LRFN5: variants seen among roughly 807,000 people sequenced by gnomAD.
The protein encoded by LRFN5 is leucine rich repeat and fibronectin type III domain containing 5.
LRFN5 carries 24 observed loss-of-function variants against 45.6 expected under a neutral mutation model. The ratio of observed to expected loss-of-function variants is 0.53; its 90% CI spans 0.38 to 0.74. The LOEUF (loss-of-function observed/expected upper bound fraction) is 0.74, where lower values mean the gene tolerates loss of function less well. Among genes scored for constraint, LRFN5 ranks in the 30% least tolerant of loss-of-function variants. LRFN5 has a pLI of 0.00. For missense variants in LRFN5, 776 were observed against 861.5 expected (o/e 0.90, Z 1.24); for synonymous variants, 340 against 313.8 (o/e 1.08, Z -0.88).
At chr14:41,748,356 T>C (rs1490015635) in intron 1 of LRFN5, among the ~76,000 whole-genome samples, 1 of 152,062 alleles carries the variant, frequency 6.6e-6, no homozygotes, top group Non-Finnish European at 1.5e-5. Context: ...AAACAACTTA[T>C]ATATGATAGA....
chr14:41,711,515 T>G (rs1168309266), intron 1 of LRFN5, among the ~76,000 whole-genome samples: 2 of 152,202 alleles, frequency 1.3e-5, no homozygotes, highest in Non-Finnish European at 2.9e-5. Flanking sequence ...TGTATATATC[T>G]CCTGAGAATT....
At chr14:41,794,166 T>C (rs1029631054) in intron 2 of LRFN5, among the ~76,000 whole-genome samples, 1 of 152,086 alleles carries the variant, frequency 6.6e-6, no homozygotes, top group Non-Finnish European at 1.5e-5. Context: ...TTTTACTGTT[T>C]ACATTCTAGG....
At chr14:41,677,300 T>C (rs1319412466) in intron 1 of LRFN5, among the ~76,000 whole-genome samples, 2 of 152,036 alleles carry the variant, frequency 1.3e-5, no homozygotes, top group Non-Finnish European at 2.9e-5. Flanking sequence ...CTACAATCTA[T>C]TAGCAAAATA....
At chr14:41,873,530 G>A (rs549079471) in intron 2 of LRFN5, among the ~76,000 whole-genome samples, 7 of 151,862 alleles carry the variant, frequency 4.6e-5, no homozygotes, top group East Asian at 1.9e-4. Context: ...GAGTACTGCC[G>A]GAACTTTCCA....
intron 3 of LRFN5, 24 bp from the exon 4 acceptor site, chr14:41,891,226 A>G: frequency 6.3e-7 from 1 of 1,586,742 alleles, no homozygotes; most frequent in Non-Finnish European, 8.6e-7. Context: ...TATTAATATT[A>G]ACACAAATTC....
chr14:41,851,993 AG>A (rs1341960925), intron 2 of LRFN5, among the ~76,000 whole-genome samples: 1 of 150,990 alleles, frequency 6.6e-6, no homozygotes, highest in Non-Finnish European at 1.5e-5. Context: ...AGAAAAAAAA[AG>A]AGAATCTTTG....
chr14:41,810,191 T>C (rs955092968), intron 2 of LRFN5, among the ~76,000 whole-genome samples: 5 of 152,220 alleles, frequency 3.3e-5, no homozygotes, highest in Non-Finnish European at 7.4e-5. Context: ...GTGACTTTTA[T>C]TACTCTAGAG....
At chr14:41,863,742 G>T (rs946756374) in intron 2 of LRFN5, among the ~76,000 whole-genome samples, 1 of 152,128 alleles carries the variant, frequency 6.6e-6, no homozygotes, top group African/African-American at 2.4e-5. Flanking sequence ...GTGCAGGTTT[G>T]TTACATAGGT....
chr14:41,709,941 A>T (rs1883216792), intron 1 of LRFN5, among the ~76,000 whole-genome samples: 2 of 152,202 alleles, frequency 1.3e-5, no homozygotes, highest in Middle Eastern at 3.4e-3. Context: ...ACCACCATCA[A>T]ATAAAAAGCA....
chr14:41,885,536 C>T (rs182550301), intron 2 of LRFN5, among the ~76,000 whole-genome samples: 2 of 152,010 alleles, frequency 1.3e-5, no homozygotes, highest in African/African-American at 4.8e-5. Context: ...AGAAGGAAAA[C>T]AGAATATAAT....
chr14:41,628,006 C>G (rs1453270424), intron 1 of LRFN5, among the ~76,000 whole-genome samples: 2 of 151,834 alleles, frequency 1.3e-5, no homozygotes, highest in Non-Finnish European at 2.9e-5. Context: ...AGTTTTTATT[C>G]TAGGCTTTAG....
Position 41,887,846 on chromosome 14 carries a change from A to C in LRFN5, c.1221A>C (p.Thr407=), listed in dbSNP as rs372315722. ...CTTCTACCAAGTCAGGTTCTAATAC[A>C]AGCAGTAGTAATGGTGATACTAAAT... ...ISTSTKSGSN[T]SSSNGDTKLS... Residue 407 remains threonine (T), a synonymous_variant, in exon 3 of 6, where the codon ACA becomes ACC. Transcript: ENST00000298119. This position sits in a 1 kb window ranked among gnomAD's most constrained non-coding sequence, Gnocchi z 4.8. 1.2e-6 allele frequency: 2 copies of C among 1,614,088 alleles called. No homozygotes were observed. Among genetic ancestry groups the C allele is most frequent in the Non-Finnish European group, 8.5e-7 (1 of 1,180,016 alleles).
At chr14:41,761,503 G>A (rs1885667115) in intron 1 of LRFN5, among the ~76,000 whole-genome samples, 1 of 152,082 alleles carries the variant, frequency 6.6e-6, no homozygotes, top group South Asian at 2.1e-4. Flanking sequence ...TCTGTCTGCT[G>A]ACTTTTGCCA....
intron 1 of LRFN5, among the ~76,000 whole-genome samples, chr14:41,618,872 A>G (rs1450086589): frequency 6.6e-6 from 1 of 152,152 alleles, no homozygotes; most frequent in Non-Finnish European, 1.5e-5. Flanking sequence ...TTGAGGCAGA[A>G]TATGTTTTTT....
At chr14:41,791,421 T>G (rs1487134119) in intron 2 of LRFN5, among the ~76,000 whole-genome samples, 2 of 151,988 alleles carry the variant, frequency 1.3e-5, no homozygotes, top group Admixed American at 6.6e-5. Flanking sequence ...TTCTAAGGAG[T>G]GACCAATTAT....
Position 41,891,331 on chromosome 14 carries a change from A to G in LRFN5, c.1467A>G (p.Ile489Met). ...TGTATGACTTGTGTGTCTTGGCCAT[A>G]TATGATGATGGCATCACTTCCCTCA... ...GTMYDLCVLA[I>M]YDDGITSLTA... is the part of the protein sequence containing the mutation. Residue 489 changes from isoleucine (I) to methionine (M), a missense_variant, in exon 4 of 6, where the codon ATA becomes ATG. Physicochemically the swap from Ile to Met is conservative, Grantham distance 10. Around this residue, in one of 2 missense-constraint regions of LRFN5, gnomAD observed 465 missense variants for 456.4 expected, o/e 1.02. Coordinates refer to ENST00000298119, the MANE Select transcript of LRFN5 (RefSeq NM_152447.5). 3 of 1,614,126 alleles carry G rather than the reference A, an allele frequency of 1.9e-6. No homozygotes were observed. The highest frequency in any genetic ancestry group is 2.5e-6 in the Non-Finnish European group (3 of 1,180,024).
At chr14:41,744,725 G>C (rs762135467) in intron 1 of LRFN5, among the ~76,000 whole-genome samples, 7 of 151,998 alleles carry the variant, frequency 4.6e-5, no homozygotes, top group Non-Finnish European at 8.8e-5. Context: ...ATATTAACAA[G>C]AATAAAGCTG....
chr14:41,856,675 A>ATTATTATTTTTTTT lies in LRFN5; in HGVS notation c.-20-29929_-20-29928insATTATTTTTTTTTT. Among the ~76,000 whole-genome samples, 60 of 18,338 alleles carry ATTATTATTTTTTTT rather than the reference A, an allele frequency of 3.3e-3. 6 individuals are homozygous for ATTATTATTTTTTTT. The East Asian group carries it at 0.039, about 12-fold the overall frequency. The allele number at this position is 18,338 out of a possible 152,430, so 12.0% of individuals were successfully genotyped here. On this transcript the variant is annotated intron_variant, in intron 2 of 5. Transcript: ENST00000298119. ...TTCTTTCCTAATTATTATTATTATT[A>ATTATTATTTTTTTT]TTTTTTTTTTTTTTTTTTTGAGACG...
chr14:41,814,418 G>A (rs975004213), intron 2 of LRFN5, among the ~76,000 whole-genome samples: 1 of 152,086 alleles, frequency 6.6e-6, no homozygotes, highest in Non-Finnish European at 1.5e-5. Context: ...GGTTTAATTA[G>A]GAAGGCAGGT....
Sources: allele counts gnomAD v4.1 joint callset (sites outside exome capture counted in the v4.1 genomes callset), GRCh38; gene constraint gnomAD v4.1.1; regional missense constraint gnomAD v4.1.1; non-coding constraint Gnocchi (gnomAD v3.1); transcripts MANE v1.5; gene names NCBI Gene and HGNC (gene_info 2026-07-23, HGNC 2026-07-21).